ANKS1B: variants seen among roughly 807,000 people sequenced by gnomAD.
The protein encoded by ANKS1B is ankyrin repeat and sterile alpha motif domain-containing protein 1B.
Under a neutral mutation model 148.3 loss-of-function variants are expected in ANKS1B, and 36 were observed. That is an observed-to-expected ratio of 0.24 (90% CI 0.19 to 0.32). The LOEUF is 0.32. Ranked by LOEUF, ANKS1B falls within the 10% of genes least tolerant of loss-of-function variation. The pLI is 1.00. For missense variants in ANKS1B, 1,157 were observed against 1,542.6 expected (o/e 0.75, Z 4.19); for synonymous variants, 542 against 560.8 (o/e 0.97, Z 0.47).
At chr12:99,385,531 A>G (rs1374353017) in intron 12 of ANKS1B, among the ~76,000 whole-genome samples, 1 of 152,234 alleles carries the variant, frequency 6.6e-6, no homozygotes, top group Non-Finnish European at 1.5e-5. Context: ...AATATGCTAA[A>G]TATGAGATAC....
intron 15 of ANKS1B, among the ~76,000 whole-genome samples, chr12:99,104,301 A>G (rs929899190): frequency 2.0e-5 from 3 of 152,186 alleles, no homozygotes; most frequent in Non-Finnish European, 4.4e-5. Flanking sequence ...GTGCACAAGA[A>G]TAAGTGTCCA....
At chr12:99,722,811 C>T (rs950279935) in intron 8 of ANKS1B, among the ~76,000 whole-genome samples, 2 of 152,244 alleles carry the variant, frequency 1.3e-5, no homozygotes, top group African/African-American at 4.8e-5. Flanking sequence ...GAATCCTGCA[C>T]TGGCAACTGA....
intron 17 of ANKS1B, among the ~76,000 whole-genome samples, chr12:99,022,236 C>T (rs1427621578): frequency 1.3e-5 from 2 of 152,100 alleles, no homozygotes; most frequent in African/African-American, 4.8e-5. Flanking sequence ...AAACTTCCCA[C>T]AACTGAACCT....
At chr12:99,448,137 A>C (rs1427143494) in intron 10 of ANKS1B, among the ~76,000 whole-genome samples, 1 of 152,128 alleles carries the variant, frequency 6.6e-6, no homozygotes, top group Non-Finnish European at 1.5e-5. Flanking sequence ...TGTAGAAGAG[A>C]TATCTCCACT....
chr12:99,383,849 C>CAAAA (rs1160915276), intron 12 of ANKS1B, among the ~76,000 whole-genome samples: 2 of 77,778 alleles, frequency 2.6e-5, no homozygotes, highest in Admixed American at 1.4e-4. Flanking sequence ...CCCATCTCTA[C>CAAAA]AAAAAAAAAA....
chr12:99,334,189 G>GATACATAA (rs1255077438), intron 12 of ANKS1B, among the ~76,000 whole-genome samples: 1 of 126,082 alleles, frequency 7.9e-6, no homozygotes, highest in African/African-American at 4.1e-5. Context: ...CAGATAGATA[G>GATACATAA]ATACATAGAT....
chr12:99,279,603 T>C (rs1432980318), intron 12 of ANKS1B, among the ~76,000 whole-genome samples: 1 of 152,186 alleles, frequency 6.6e-6, no homozygotes, highest in African/African-American at 2.4e-5. Context: ...AGCTTTATCT[T>C]TTGACAAATG....
At chr12:99,020,834 T>C (rs1227768334) in intron 17 of ANKS1B, among the ~76,000 whole-genome samples, 3 of 151,956 alleles carry the variant, frequency 2.0e-5, no homozygotes, top group Non-Finnish European at 4.4e-5. Context: ...ATTTTGGAGA[T>C]TGGAAAAACA....
intron 17 of ANKS1B, among the ~76,000 whole-genome samples, chr12:99,011,253 A>T (rs1048813486): frequency 2.0e-5 from 3 of 152,310 alleles, no homozygotes; most frequent in South Asian, 4.1e-4. Flanking sequence ...ATTTGTGGTA[A>T]TTTGTTATAC....
At chr12:99,583,545 T>C (rs1238942609) in intron 9 of ANKS1B, among the ~76,000 whole-genome samples, 2 of 152,194 alleles carry the variant, frequency 1.3e-5, no homozygotes, top group Admixed American at 1.3e-4. Context: ...CTTTTTCCAC[T>C]GGAATTACTC....
chr12:99,042,402 C>G (rs367606599), intron 17 of ANKS1B, among the ~76,000 whole-genome samples: 12 of 152,338 alleles, frequency 7.9e-5, no homozygotes, highest in African/African-American at 2.6e-4. Context: ...CCAGGTCAGT[C>G]AACTCTCATA....
chr12:99,223,762 GGCTTTCCAC>G (rs905172076), intron 14 of ANKS1B, among the ~76,000 whole-genome samples: 81 of 152,270 alleles, frequency 5.3e-4, no homozygotes, highest in Middle Eastern at 3.4e-3. Flanking sequence ...TCTGCCTTCA[GGCTTTCCAC>G]ACTCCACATT....
chr12:98,786,675 G>A (rs1005446988), intron 22 of ANKS1B, among the ~76,000 whole-genome samples: 1 of 152,214 alleles, frequency 6.6e-6, no homozygotes, highest in Non-Finnish European at 1.5e-5. Flanking sequence ...TTCCGAGCAC[G>A]AATGAAAGCA....
intron 8 of ANKS1B, among the ~76,000 whole-genome samples, chr12:99,733,689 G>A (rs941879193): frequency 1.3e-5 from 2 of 152,130 alleles, no homozygotes; most frequent in Admixed American, 6.5e-5. Flanking sequence ...TTTAAACCCA[G>A]GATGTTATAA....
intron 17 of ANKS1B, among the ~76,000 whole-genome samples, chr12:98,871,370 C>A (rs10492272): frequency 0.075 from 11,364 of 152,150 alleles, 504 homozygotes; most frequent in Non-Finnish European, 0.098. Flanking sequence ...AACATAATTT[C>A]TACGATAGAA....
intron 13 of ANKS1B, 101 bp downstream of exon 13, chr12:99,246,174 T>C: frequency 1.1e-6 from 1 of 872,466 alleles, no homozygotes; most frequent in Non-Finnish European, 1.7e-6. Context: ...TGCTTTTTTT[T>C]TTCTTGCTTT....
In ANKS1B at chr12:98,765,115, T is replaced by C. The variant is rs77087139; in HGVS notation, c.3579+7927A>G. The stretch of plus-strand genomic sequence containing the variant: ...TATAAGCATCACTATTAACTGCTTC[T>C]GCTATTCTCTGTGTCCTCGGCAGCT... On this transcript the variant is annotated intron_variant, in intron 25 of 26. Coordinates refer to ENST00000683438, the MANE Select transcript of ANKS1B (RefSeq NM_001352186.2). Among the ~76,000 whole-genome samples the C allele has an allele frequency of 5.5e-3, 845 of 152,342 alleles. 4 individuals are homozygous for C. Among genetic ancestry groups the C allele is most frequent in the African/African-American group, 0.018 (764 of 41,582 alleles).
chr12:99,255,184 T>C lies in ANKS1B; in HGVS notation c.1757-8320A>G, dbSNP rs2075112252. On this transcript the variant is annotated intron_variant, in intron 12 of 26. Transcript: ENST00000683438. ...TCATTAAATTTATTTAGTATAGAAC[T>C]ATCTGGAGTCTCTATACCTTTTTGA... is the stretch of plus-strand genomic sequence containing the variant. Among the ~76,000 whole-genome samples, 2 of 152,280 alleles carry C rather than the reference T, an allele frequency of 1.3e-5. 1 individual carries two copies. Among genetic ancestry groups the C allele is most frequent in the Middle Eastern group, 6.8e-3 (2 of 294 alleles).
chr12:99,809,413 G>T (rs2068055239), intron 3 of ANKS1B, among the ~76,000 whole-genome samples: 1 of 151,638 alleles, frequency 6.6e-6, no homozygotes, highest in Non-Finnish European at 1.5e-5. Context: ...AAGGTAAAGG[G>T]AAGAAAGGAT....
Sources: allele counts gnomAD v4.1 joint callset (sites outside exome capture counted in the v4.1 genomes callset), GRCh38; gene constraint gnomAD v4.1.1; transcripts MANE v1.5; gene names NCBI Gene and HGNC (gene_info 2026-07-23, HGNC 2026-07-21).